NBAS: variants seen among roughly 807,000 people sequenced by gnomAD.
NBAS encodes the protein NBAS subunit of NRZ tethering complex.
In NBAS, 219 loss-of-function variants were observed where a neutral mutation model predicts 302.5. The observed-to-expected ratio is 0.72, with a 90% CI of 0.65 to 0.81. The LOEUF (loss-of-function observed/expected upper bound fraction) is 0.81, where lower values mean the gene tolerates loss of function less well. NBAS is among the 30% of genes least tolerant of loss of function. The pLI is 0.00. For missense variants in NBAS, 2,932 were observed against 2,841.6 expected (o/e 1.03, Z -0.72); for synonymous variants, 1,118 against 1,021.6 (o/e 1.09, Z -1.80).
At chr2:15,022,371 C>A in the NBAS span, among the ~76,000 whole-genome samples, 1 of 152,190 alleles carries the variant, frequency 6.6e-6, no homozygotes, top group East Asian at 1.9e-4. Flanking sequence ...GTCATGTCAA[C>A]AATCTCACTA....
At chr2:15,413,602 C>T (rs921228055) in intron 25 of NBAS, among the ~76,000 whole-genome samples, 4 of 152,074 alleles carry the variant, frequency 2.6e-5, no homozygotes, top group South Asian at 2.1e-4. Flanking sequence ...AAACAGACAG[C>T]GGAGGAGTTA....
At chr2:15,036,722 C>T in the NBAS span, among the ~76,000 whole-genome samples, 1 of 152,166 alleles carries the variant, frequency 6.6e-6, no homozygotes, top group Non-Finnish European at 1.5e-5. Flanking sequence ...TCCCCCAGCG[C>T]ACATTTGGTA....
intron 21 of NBAS, among the ~76,000 whole-genome samples, chr2:15,439,145 C>CA (rs1323848920): frequency 1.3e-5 from 2 of 151,254 alleles, no homozygotes; most frequent in Middle Eastern, 3.4e-3. Context: ...AATACACACA[C>CA]AAAAAAAATT....
At chr2:15,168,240 T>C (rs2125096756) in intron 51 of NBAS, among the ~76,000 whole-genome samples, 1 of 152,338 alleles carries the variant, frequency 6.6e-6, no homozygotes, top group Admixed American at 6.5e-5. Context: ...TCAGAAATAA[T>C]GTCAAAGCCA....
intron 32 of NBAS, among the ~76,000 whole-genome samples, chr2:15,358,496 G>A (rs1209445425): frequency 6.6e-6 from 1 of 152,134 alleles, no homozygotes; most frequent in African/African-American, 2.4e-5. Flanking sequence ...CCAAGCTGGA[G>A]TGCAGTGGCA....
intron 2 of NBAS, among the ~76,000 whole-genome samples, chr2:15,557,623 TACTTA>T (rs1313983816): frequency 6.6e-6 from 1 of 152,222 alleles, no homozygotes; most frequent in African/African-American, 2.4e-5. Context: ...TAATTTCAAG[TACTTA>T]ACTTCTGTGA....
intron 44 of NBAS, among the ~76,000 whole-genome samples, chr2:15,243,439 C>A (rs1185803772): frequency 6.6e-6 from 1 of 151,952 alleles, no homozygotes; most frequent in Non-Finnish European, 1.5e-5. Context: ...TGGTACAGGC[C>A]CCTTTGCAGT....
At chr2:15,476,329 A>G (rs1158546612) in intron 13 of NBAS, among the ~76,000 whole-genome samples, 1 of 152,176 alleles carries the variant, frequency 6.6e-6, no homozygotes, top group Non-Finnish European at 1.5e-5. Flanking sequence ...AATATAAGAC[A>G]GATATGTAAT....
chr2:15,238,060 C>A (rs1303859631), intron 45 of NBAS, among the ~76,000 whole-genome samples: 1 of 152,146 alleles, frequency 6.6e-6, no homozygotes, highest in African/African-American at 2.4e-5. Context: ...CAGGAGTGAG[C>A]CACCGCGCCC....
the NBAS span, among the ~76,000 whole-genome samples, chr2:15,160,204 C>A: frequency 1.3e-5 from 2 of 151,914 alleles, no homozygotes; most frequent in African/African-American, 4.8e-5. Context: ...AGTGGAGAGA[C>A]GAGAGGTAAG....
intron 35 of NBAS, among the ~76,000 whole-genome samples, chr2:15,344,006 C>G (rs1395032672): frequency 8.7e-6 from 1 of 114,430 alleles, no homozygotes; most frequent in South Asian, 3.0e-4. Context: ...TGTTAAAAAA[C>G]AAAACAAAAT....
At chr2:15,223,431 T>C (rs1667033885) in intron 47 of NBAS, among the ~76,000 whole-genome samples, 2 of 152,122 alleles carry the variant, frequency 1.3e-5, no homozygotes, top group South Asian at 4.1e-4. Context: ...AAAACTAGAA[T>C]AGGAAGAAGG....
chr2:15,161,154 C>T, the NBAS span, among the ~76,000 whole-genome samples: 1 of 152,170 alleles, frequency 6.6e-6, no homozygotes, highest in Non-Finnish European at 1.5e-5. Flanking sequence ...CTCTTAGGGA[C>T]AACTTACGCA....
At chr2:14,818,292 G>T in the NBAS span, among the ~76,000 whole-genome samples, 17 of 152,110 alleles carry the variant, frequency 1.1e-4, no homozygotes, top group Non-Finnish European at 1.9e-4. Flanking sequence ...AACCACACTT[G>T]TACATGTGAA....
chr2:15,283,365 C>A (rs145369641), intron 42 of NBAS, among the ~76,000 whole-genome samples: 1 of 152,114 alleles, frequency 6.6e-6, no homozygotes. Flanking sequence ...ATAATCCCCA[C>A]GTGTTGTGGG....
At chr2:15,423,610 G>A (rs557132079) in intron 23 of NBAS, among the ~76,000 whole-genome samples, 1 of 152,220 alleles carries the variant, frequency 6.6e-6, no homozygotes, top group Admixed American at 6.5e-5. Context: ...CACCTTTCCT[G>A]TCAAATCAAA....
the NBAS span, among the ~76,000 whole-genome samples, chr2:15,031,131 A>G: frequency 6.6e-6 from 1 of 152,244 alleles, no homozygotes; most frequent in African/African-American, 2.4e-5. Context: ...CAATATGCCA[A>G]TCATTGGCTG....
chr2:15,156,678 G>C, the NBAS span, among the ~76,000 whole-genome samples: 1 of 152,214 alleles, frequency 6.6e-6, no homozygotes, highest in African/African-American at 2.4e-5. Flanking sequence ...CATCATCTTT[G>C]GAGTTAGATA....
intron 48 of NBAS, among the ~76,000 whole-genome samples, chr2:15,216,203 G>A (rs1666647057): frequency 6.6e-6 from 1 of 152,238 alleles, no homozygotes; most frequent in East Asian, 1.9e-4. Flanking sequence ...AGCCAGTGTG[G>A]CTTTCTTATT....
Sources: gnomAD v4.1 joint callset for allele counts (sites outside exome capture counted in the v4.1 genomes callset) on GRCh38, gnomAD v4.1.1 for gene constraint, MANE v1.5 for transcripts, NCBI Gene and HGNC (gene_info 2026-07-23, HGNC 2026-07-21) for gene names.